The following CAPN13 variants were observed in gnomAD, a reference collection of about 807,000 sequenced individuals.
CAPN13 encodes the protein calpain 13, also known as calpain-13.
CAPN13 carries 90 observed loss-of-function variants against 98.4 expected under a neutral mutation model. The observed-to-expected ratio is 0.92, with a 90% CI of 0.77 to 1.09. The LOEUF (loss-of-function observed/expected upper bound fraction) is 1.09, where lower values mean the gene tolerates loss of function less well. Among genes scored for constraint, CAPN13 ranks in the 50% least tolerant of loss-of-function variants. CAPN13 has a pLI of 0.00. For synonymous variants in CAPN13, 330 were observed against 305.5 expected (o/e 1.08, Z -0.84); for missense variants, 887 against 841.3 (o/e 1.05, Z -0.67).
intron 19 of CAPN13, among the ~76,000 whole-genome samples, chr2:30,733,311 A>G (rs572448711): frequency 7.7e-6 from 1 of 130,424 alleles, no homozygotes; most frequent in African/African-American, 3.0e-5. Context: ...ATGAACTCGA[A>G]TGCCTTTAGA....
intron 1 of CAPN13, among the ~76,000 whole-genome samples, chr2:30,789,202 T>C (rs1674481071): frequency 6.6e-6 from 1 of 152,124 alleles, no homozygotes; most frequent in South Asian, 2.1e-4. Context: ...GTGATAGAAA[T>C]TGATTGTCAA....
At chr2:30,735,888 C>A (rs1443174702) in intron 18 of CAPN13, among the ~76,000 whole-genome samples, 1 of 152,104 alleles carries the variant, frequency 6.6e-6, no homozygotes, top group Non-Finnish European at 1.5e-5. Flanking sequence ...TAGGTGGGCA[C>A]TGGCCAGTCT....
chr2:30,764,915 C>G (rs1374279049), intron 5 of CAPN13, among the ~76,000 whole-genome samples: 1 of 152,152 alleles, frequency 6.6e-6, no homozygotes, highest in Non-Finnish European at 1.5e-5. Context: ...TTCCCATTCC[C>G]AGAGTTACCC....
At chr2:30,761,049 C>G (rs1198863627) in intron 7 of CAPN13, among the ~76,000 whole-genome samples, 4 of 152,202 alleles carry the variant, frequency 2.6e-5, no homozygotes, top group Non-Finnish European at 5.9e-5. Flanking sequence ...CAATAAAAAC[C>G]AGCAGTGCTT....
At chr2:30,800,717 T>C (rs1397066345) in intron 1 of CAPN13, among the ~76,000 whole-genome samples, 2 of 152,214 alleles carry the variant, frequency 1.3e-5, no homozygotes, top group Non-Finnish European at 2.9e-5. Context: ...GAATGTATTA[T>C]TTCTTTCAAT....
chr2:30,779,626 C>T (rs1333008620), intron 2 of CAPN13, among the ~76,000 whole-genome samples: 1 of 152,136 alleles, frequency 6.6e-6, no homozygotes, highest in African/African-American at 2.4e-5. Flanking sequence ...AGGCTATACT[C>T]AGACAAACCC....
chr2:30,777,576 C>T lies in CAPN13; in HGVS notation c.262G>A (p.Gly88Arg). 6.3e-7 allele frequency: 1 copy of T among 1,576,610 alleles called. No homozygotes were observed. Among genetic ancestry groups the T allele is most frequent in the Non-Finnish European group, 8.6e-7 (1 of 1,159,494 alleles). Residue 88 changes from glycine (G) to arginine (R), a missense_variant, in exon 3 of 23, where the codon GGA (glycine) becomes AGA (arginine). Coordinates refer to ENST00000295055, the MANE Select transcript of CAPN13 (RefSeq NM_144575.3). ...GATGTTGCACTCTTACCTGCGCCTC[C>T]TTGTTGGATGTCAAATCTGCTTATA... Reference protein sequence around the residue: ...DDISRFDIQQGGAADCWFLAA... With the variant: ...DDISRFDIQQRGAADCWFLAA...
intron 4 of CAPN13, among the ~76,000 whole-genome samples, chr2:30,772,903 C>T (rs945595339): frequency 2.6e-5 from 4 of 151,962 alleles, no homozygotes; most frequent in South Asian, 2.1e-4. Flanking sequence ...CTCGGCTCAC[C>T]GCAACCTCTG....
At chr2:30,723,982 C>G (rs1453080477) in intron 22 of CAPN13, among the ~76,000 whole-genome samples, 1 of 152,186 alleles carries the variant, frequency 6.6e-6, no homozygotes, top group Non-Finnish European at 1.5e-5. Flanking sequence ...ACTCTTTCTT[C>G]TGATGTTTAC....
chr2:30,754,680 T>C (rs747380410), intron 8 of CAPN13, among the ~76,000 whole-genome samples: 4 of 152,178 alleles, frequency 2.6e-5, no homozygotes, highest in Non-Finnish European at 4.4e-5. Context: ...TCCTATTGCC[T>C]GAGCGAGAAC....
chr2:30,763,127 A>C lies in CAPN13; in HGVS notation c.729T>G (p.Asn243Lys). The change falls in exon 7 of 23, where the codon AAT becomes AAG. Residue 243 changes from asparagine (N) to lysine (K), a missense_variant. Asn to Lys is a moderately conservative substitution (Grantham distance 94, BLOSUM62 0). Coordinates refer to ENST00000295055, the MANE Select transcript of CAPN13 (RefSeq NM_144575.3). ...GPTDTAQAME[N>K]GLVSLHAYTV... ...TGTAGGCATGGAGACTCACCAGCCC[A>C]TTCTCCATCGCCTGTGCTGTATCTG... is the stretch of plus-strand genomic sequence containing the variant. 1 of 1,611,690 alleles carries C rather than the reference A, an allele frequency of 6.2e-7. No homozygotes were observed. Among genetic ancestry groups the C allele is most frequent in the Non-Finnish European group, 8.5e-7 (1 of 1,179,086 alleles).
intron 11 of CAPN13, among the ~76,000 whole-genome samples, chr2:30,750,649 A>G (rs1672128109): frequency 6.6e-6 from 1 of 152,118 alleles, no homozygotes; most frequent in African/African-American, 2.4e-5. Flanking sequence ...TTTTTTTCCT[A>G]AGCAACTTCC....
In CAPN13 at chr2:30,763,175, G is replaced by C. The variant is rs1326435648; in HGVS notation, c.700-19C>G. 1 of 1,604,466 alleles carries C rather than the reference G, an allele frequency of 6.2e-7. No homozygotes were observed. The highest frequency in any genetic ancestry group is 8.5e-7 in the Non-Finnish European group (1 of 1,174,312). On this transcript the variant is annotated intron_variant, in intron 6 of 22. Coordinates refer to ENST00000295055, the MANE Select transcript of CAPN13 (RefSeq NM_144575.3). ...CTGTTGGCTTCAAGGCAGAAAAGCA[G>C]ATCAAACATTAGACATCTACAGGTT...
At chr2:30,750,956 G>T in intron 11 of CAPN13, 147 bp downstream of exon 11, 1 of 873,912 alleles carries the variant, frequency 1.1e-6, no homozygotes, top group Non-Finnish European at 1.7e-6. Context: ...ATTTAGACTT[G>T]GACTGCATGA....
rs560143057 is a variant in CAPN13, at chr2:30,790,325, A to C, written c.-32-2968T>G. ...AGGCAGAAGAAGACTCAGCTTTGTT[A>C]ATTTAAGGGAAAAAAAAGATTGCTG... On this transcript the variant is annotated intron_variant, in intron 1 of 22. Coordinates refer to ENST00000295055, the MANE Select transcript of CAPN13 (RefSeq NM_144575.3). 2.0e-5 allele frequency among the ~76,000 whole-genome samples: 3 copies of C among 152,338 alleles called. No individual in the cohort carries two copies. In the East Asian group the frequency reaches 5.8e-4, roughly 29 times the overall value.
chr2:30,795,324 G>T (rs548227697), intron 1 of CAPN13, among the ~76,000 whole-genome samples: 2 of 152,144 alleles, frequency 1.3e-5, no homozygotes, highest in South Asian at 2.1e-4. Flanking sequence ...CATACTCAAC[G>T]TCACTAAGTA....
chr2:30,739,240 C>T (rs1370925725), intron 15 of CAPN13, among the ~76,000 whole-genome samples: 3 of 152,082 alleles, frequency 2.0e-5, no homozygotes, highest in African/African-American at 7.2e-5. Context: ...AGAGGGGATG[C>T]TATGCTGCTA....
intron 22 of CAPN13, among the ~76,000 whole-genome samples, chr2:30,727,287 A>G (rs1189771569): frequency 1.3e-5 from 2 of 152,212 alleles, no homozygotes; most frequent in Admixed American, 1.3e-4. Flanking sequence ...CACCAAAAAT[A>G]TGTGACAAAA....
intron 2 of CAPN13, among the ~76,000 whole-genome samples, chr2:30,782,986 T>G (rs1674068451): frequency 6.6e-6 from 1 of 152,234 alleles, no homozygotes; most frequent in Admixed American, 6.5e-5. Flanking sequence ...GACTAGTGGC[T>G]ACTGTATTGA....
Sources: allele counts gnomAD v4.1 joint callset (sites outside exome capture counted in the v4.1 genomes callset), GRCh38; gene constraint gnomAD v4.1.1; transcripts MANE v1.5; gene names NCBI Gene and HGNC (gene_info 2026-07-23, HGNC 2026-07-21).